CELSR3: variants seen among roughly 807,000 people sequenced by gnomAD.
The protein encoded by CELSR3 is EGF-like protein 1.
In CELSR3, 73 loss-of-function variants were observed where a neutral mutation model predicts 270.0. The ratio of observed to expected loss-of-function variants is 0.27; its 90% confidence interval spans 0.22 to 0.33. The LOEUF is 0.33. Among genes scored for constraint, CELSR3 ranks in the 10% least tolerant of loss-of-function variants. The pLI, the probability that CELSR3 is intolerant of heterozygous loss-of-function variation, is 1.00. For synonymous variants in CELSR3, 1,780 were observed against 1,905.4 expected (o/e 0.93, Z 1.71); for missense variants, 3,614 against 4,533.8 (o/e 0.80, Z 5.83).
At position 48,644,921 on chromosome 3, in the gene CELSR3, C is replaced by T. The variant is rs1041828249; in HGVS notation, c.7973-93G>A. The T allele has an allele frequency of 1.3e-6, 2 of 1,511,876 alleles. No homozygotes were observed. The highest frequency in any genetic ancestry group is 2.7e-5 in the African/African-American group (2 of 72,914). The allele number at this position is 1,511,876 out of a possible 1,614,324, so 93.7% of individuals were successfully genotyped here. A position where few individuals can be genotyped will look rare whatever the true frequency, so the allele number is the denominator to read the frequency against. On this transcript the variant is annotated intron_variant, in intron 25 of 34. Coordinates refer to ENST00000164024, the MANE Select transcript of CELSR3 (RefSeq NM_001407.3). This position sits in a 1 kb window ranked among gnomAD's most constrained non-coding sequence, Gnocchi z 4.8. ...GAAAGCATGGGTGAGGGCAGAGCAG[C>T]AACCCCATGAATAGATGGCTTGGGG...
rs755796273 is a variant in CELSR3, at chr3:48,645,220, G to A, written c.7798-11C>T. 8 of 1,563,854 alleles carry A rather than the reference G, an allele frequency of 5.1e-6. No individual in the cohort carries two copies. The highest frequency in any genetic ancestry group is 3.5e-5 in the Admixed American group (2 of 57,148). ...TGCAGTGCACACCAGCTGAGGGCAG[G>A]GGGGCGTGTCAGGACCTCTCCTGCC... On this transcript the variant is annotated splice_polypyrimidine_tract_variant and intron_variant, in intron 24 of 34. Coordinates refer to ENST00000164024, the MANE Select transcript of CELSR3 (RefSeq NM_001407.3). The surrounding 1 kb of genome is among the most constrained non-coding windows in gnomAD (Gnocchi z 5.4).
In CELSR3 at chr3:48,650,394, C is replaced by T. The variant is rs1250815180; in HGVS notation, c.6472+86G>A. On this transcript the variant is annotated intron_variant, in intron 16 of 34. Coordinates refer to ENST00000164024, the MANE Select transcript of CELSR3 (RefSeq NM_001407.3). This position sits in a 1 kb window ranked among gnomAD's most constrained non-coding sequence, Gnocchi z 5.1. ...CACCTCTTTGCAGGAACAAAGCCAC[C>T]CAATTTAGGAAAAGACATGGCTCTA... The T allele has an allele frequency of 1.8e-6, 2 of 1,113,504 alleles. No homozygotes were observed. Among genetic ancestry groups the T allele is most frequent in the African/African-American group, 3.1e-5 (2 of 64,222 alleles). 69.0% of individuals were successfully genotyped at this position (1,113,504 alleles called of 1,614,324 possible).
Position 48,642,629 on chromosome 3 carries a change from G to T in CELSR3, c.8555+107C>A. On this transcript the variant is annotated intron_variant, in intron 30 of 34. Coordinates refer to ENST00000164024, the MANE Select transcript of CELSR3 (RefSeq NM_001407.3). This position sits in a 1 kb window ranked among gnomAD's most constrained non-coding sequence, Gnocchi z 6.1. Reference sequence around the variant, plus strand: ...AGAGGCAGAAGCAGGGCCCCAGATGGCCAAGATGGGTGGAGCCACCCGCCC... The same window carrying T: ...AGAGGCAGAAGCAGGGCCCCAGATGTCCAAGATGGGTGGAGCCACCCGCCC... The T allele has an allele frequency of 2.0e-6, 3 of 1,496,938 alleles. No homozygotes were observed. Among genetic ancestry groups the T allele is most frequent in the Non-Finnish European group, 1.8e-6 (2 of 1,114,736 alleles). The allele number at this position is 1,496,938 out of a possible 1,614,324, so 92.7% of individuals were successfully genotyped here.
At chr3:48,649,277 G>A (rs968541289) in intron 16 of CELSR3, 62 bp from the exon 17 acceptor site, 11 of 1,264,532 alleles carry the variant, frequency 8.7e-6, no homozygotes, top group African/African-American at 4.4e-5. Flanking sequence ...GGAGATAACC[G>A]CAGCACCCTC....
Position 48,641,717 on chromosome 3 carries a change from A to G in CELSR3, c.8824+134T>C, listed in dbSNP as rs1489151597. ...CCTTAACTGGAGGTGGACAGAGACTAAAAGTTGGGGAACCTGATGACTGAG... is the reference window on the plus strand; with the variant it reads ...CCTTAACTGGAGGTGGACAGAGACTGAAAGTTGGGGAACCTGATGACTGAG... On this transcript the variant is annotated intron_variant, in intron 32 of 34. Transcript: ENST00000164024. The surrounding 1 kb of genome is among the most constrained non-coding windows in gnomAD (Gnocchi z 4.8). 2 of 1,008,244 alleles carry G rather than the reference A, an allele frequency of 2.0e-6. No individual in the cohort carries two copies. The highest frequency in any genetic ancestry group is 2.8e-6 in the Non-Finnish European group (2 of 710,084). The allele number at this position is 1,008,244 out of a possible 1,614,324, so 62.5% of individuals were successfully genotyped here.
At position 48,662,451 on chromosome 3, in the gene CELSR3, C is replaced by G. The variant is rs1384975995; in HGVS notation, c.184G>C (p.Ala62Pro). Residue 62 changes from alanine to proline, a missense_variant, in exon 1 of 35, where the codon GCT becomes CCT. Physicochemically the swap from Ala to Pro is conservative, Grantham distance 27. Transcript: ENST00000164024. The surrounding 1 kb of genome is among the most constrained non-coding windows in gnomAD (Gnocchi z 7.1). Reference protein sequence around the residue: ...PRAHIGGGALALCPESSGVRE... With the variant: ...PRAHIGGGALPLCPESSGVRE... ...ACCCCGGAAGACTCCGGACAAAGAG[C>G]TAAGGCTCCGCCACCGATATGCGCC... 1 of 1,612,800 alleles carries G rather than the reference C, an allele frequency of 6.2e-7. No homozygotes were observed. Among genetic ancestry groups the G allele is most frequent in the East Asian group, 2.2e-5 (1 of 44,878 alleles).
In CELSR3 at chr3:48,641,580, C is replaced by A; in HGVS notation, c.8825-56G>T. The A allele has an allele frequency of 7.6e-7, 1 of 1,321,016 alleles. No homozygotes were observed. Among genetic ancestry groups the A allele is most frequent in the South Asian group, 1.2e-5 (1 of 82,270 alleles). The allele number at this position is 1,321,016 out of a possible 1,614,324, so 81.8% of individuals were successfully genotyped here. A position where few individuals can be genotyped will look rare whatever the true frequency, so the allele number is the denominator to read the frequency against. ...CTGGGTTGATCCCAGTGACTCATGACCCCTGACCCTAATGACCCTTGAAAC... is the reference window on the plus strand; with the variant it reads ...CTGGGTTGATCCCAGTGACTCATGAACCCTGACCCTAATGACCCTTGAAAC... On this transcript the variant is annotated intron_variant, in intron 32 of 34. Transcript: ENST00000164024. This position sits in a 1 kb window ranked among gnomAD's most constrained non-coding sequence, Gnocchi z 4.8.
Position 48,642,541 on chromosome 3 carries a change from G to T in CELSR3, c.8556-74C>A. 2 of 1,503,208 alleles carry T rather than the reference G, an allele frequency of 1.3e-6. No individual in the cohort carries two copies. Among genetic ancestry groups the T allele is most frequent in the Non-Finnish European group, 1.8e-6 (2 of 1,103,928 alleles). 93.1% of individuals were successfully genotyped at this position (1,503,208 alleles called of 1,614,324 possible). On this transcript the variant is annotated intron_variant, in intron 30 of 34. Coordinates refer to ENST00000164024, the MANE Select transcript of CELSR3 (RefSeq NM_001407.3). The surrounding 1 kb of genome is among the most constrained non-coding windows in gnomAD (Gnocchi z 6.1). ...GCCTTGGAGGCTGGAGTGTCTTTGA[G>T]TGCACAGCCAGCTGCGGGTGGAATG...
rs1428674952 is a variant in CELSR3 at position 48,661,474 on chromosome 3, C to T, written c.1161G>A (p.Thr387=). The T allele has an allele frequency of 6.8e-6, 11 of 1,606,976 alleles. No homozygotes were observed. Among genetic ancestry groups the T allele is most frequent in the Admixed American group, 1.7e-5 (1 of 59,364 alleles). The change falls in exon 1 of 35, where the codon ACG becomes ACA. Residue 387 remains threonine, a synonymous_variant. Coordinates refer to ENST00000164024, the MANE Select transcript of CELSR3 (RefSeq NM_001407.3). ...SIDPQSGLIR[T]AAALDRESME... ...TGCTCTCGCGGTCCAGAGCTGCCGCCGTACGGATAAGGCCGCTCTGCGGGT... is the reference window on the plus strand; with the variant it reads ...TGCTCTCGCGGTCCAGAGCTGCCGCTGTACGGATAAGGCCGCTCTGCGGGT...
Position 48,646,903 on chromosome 3 carries a change from T to A in CELSR3, c.7155A>T (p.Glu2385Asp). 1.9e-6 allele frequency: 3 copies of A among 1,559,142 alleles called. No individual in the cohort carries two copies. Among genetic ancestry groups the A allele is most frequent in the Non-Finnish European group, 2.6e-6 (3 of 1,158,170 alleles). The change falls in exon 21 of 35, where the codon GAA becomes GAT. Residue 2385 changes from glutamate to aspartate, a missense_variant. This residue lies in a region of CELSR3 where 1,240 missense variants were observed against 1,351.7 expected (regional missense o/e 0.92). Transcript: ENST00000164024. This position sits in a 1 kb window ranked among gnomAD's most constrained non-coding sequence, Gnocchi z 4.8. ...GGACCACACTTGAGGTGGTGGAGTT[T>A]TCTATGCTGCTGCTTGTGGGCAGAA... ...SEVLPTSSSI[E>D]NSTTSSVVPP... is the part of the protein sequence containing the mutation.
chr3:48,662,339 C>A lies in CELSR3; in HGVS notation c.296G>T (p.Arg99Leu). ...CTCATTCGGCTGCTCAGGGGGCCCT[C>A]GACTATTCCGGGCGCTTTGCCTTCT... ...RGRRQSARNS[R>L]GPPEQPNEEL... The change falls in exon 1 of 35, where the codon CGA becomes CTA. Residue 99 changes from arginine (R) to leucine (L), a missense_variant. Arg to Leu is a moderately radical substitution (Grantham distance 102). Transcript: ENST00000164024. The surrounding 1 kb of genome is among the most constrained non-coding windows in gnomAD (Gnocchi z 7.1). 6.2e-7 allele frequency: 1 copy of A among 1,613,042 alleles called. No individual in the cohort carries two copies. Among genetic ancestry groups the A allele is most frequent in the Non-Finnish European group, 8.5e-7 (1 of 1,180,008 alleles).
Position 48,644,603 on chromosome 3 carries a change from G to T in CELSR3, c.8085+113C>A. 2.4e-6 allele frequency: 2 copies of T among 830,878 alleles called. No individual in the cohort carries two copies. The highest frequency in any genetic ancestry group is 1.9e-6 in the Non-Finnish European group (1 of 515,622). 51.5% of individuals were successfully genotyped at this position (830,878 alleles called of 1,614,324 possible). On this transcript the variant is annotated intron_variant, in intron 26 of 34. Coordinates refer to ENST00000164024, the MANE Select transcript of CELSR3 (RefSeq NM_001407.3). This position sits in a 1 kb window ranked among gnomAD's most constrained non-coding sequence, Gnocchi z 4.8. ...CCAGAGGACAGAAAAAATGAAGGCC[G>T]AGCCCAGGAAGCCTGCAGAATGCCA...
In CELSR3 at chr3:48,653,035, G is replaced by T; in HGVS notation, c.5601C>A (p.Val1867=). Residue 1867 remains valine, a synonymous_variant, in exon 10 of 35, where the codon GTC becomes GTA. Transcript: ENST00000164024. The surrounding 1 kb of genome is among the most constrained non-coding windows in gnomAD (Gnocchi z 6.5). ...EEPGGRRGHH[V]LMVSLDFSLF... ...GGCTAAAGTCCAGTGAGACCATAAG[G>T]ACATGGTGGCCCCGCCGGCCACCTG... 6.2e-7 allele frequency: 1 copy of T among 1,613,198 alleles called. No homozygotes were observed. The highest frequency in any genetic ancestry group is 2.2e-5 in the East Asian group (1 of 44,876).
Position 48,651,485 on chromosome 3 carries a change from G to A in CELSR3, c.6066-6C>T, listed in dbSNP as rs2047136607. 3 of 1,613,526 alleles carry A rather than the reference G, an allele frequency of 1.9e-6. No homozygotes were observed. The highest frequency in any genetic ancestry group is 2.5e-6 in the Non-Finnish European group (3 of 1,179,856). On this transcript the variant is annotated splice_region_variant and splice_polypyrimidine_tract_variant and intron_variant, in intron 13 of 34. Transcript: ENST00000164024. The surrounding 1 kb of genome is among the most constrained non-coding windows in gnomAD (Gnocchi z 7.4). ...GTGGGCACTGCTGGTCCATCCTGGG[G>A]GTGCAGAGCCAGGTAAGATGCCTCC...
chr3:48,648,086 G>A (rs1575541591), intron 19 of CELSR3, 90 bp from the exon 20 acceptor site: 2 of 1,521,226 alleles, frequency 1.3e-6, no homozygotes, highest in Non-Finnish European at 1.8e-6. Context: ...CCGCACCTGA[G>A]TCCCACAATC....
Position 48,646,198 on chromosome 3 carries a change from C to A in CELSR3, c.7355G>T (p.Arg2452Leu). The A allele has an allele frequency of 6.2e-7, 1 of 1,612,768 alleles. No individual in the cohort carries two copies. The highest frequency in any genetic ancestry group is 8.5e-7 in the Non-Finnish European group (1 of 1,179,924). Residue 2452 changes from arginine (R) to leucine (L), a missense_variant, in exon 22 of 35, where the codon CGC (arginine) becomes CTC (leucine). Transcript: ENST00000164024. This position sits in a 1 kb window ranked among gnomAD's most constrained non-coding sequence, Gnocchi z 4.8. ...PVVSVAVFHG[R>L]NFLRGILESP... ...CTCCAGGATTCCCCTTAGGAAGTTG[C>A]GTCCGTGGAACACAGCCACGCTGAC...
In CELSR3 at chr3:48,648,245, CCTACCCCA is replaced by C; in HGVS notation, c.6973+13_6973+20del. On this transcript the variant is annotated intron_variant, in intron 19 of 34. Transcript: ENST00000164024. ...TCATGGCCCCCCTGCTGTGCCCCGC[CCTACCCCA>C]CCCACAACGCACTGATATTAGGCGT... is the stretch of plus-strand genomic sequence containing the variant. 1 of 1,404,198 alleles carries C rather than the reference CCTACCCCA, an allele frequency of 7.1e-7. No homozygotes were observed. The highest frequency in any genetic ancestry group is 1.0e-6 in the Non-Finnish European group (1 of 996,084). The allele number at this position is 1,404,198 out of a possible 1,614,324, so 87.0% of individuals were successfully genotyped here.
rs970199884 is a variant in CELSR3 at position 48,650,754 on chromosome 3, G to A, written c.6370+138C>T. On this transcript the variant is annotated intron_variant, in intron 15 of 34. Transcript: ENST00000164024. This position sits in a 1 kb window ranked among gnomAD's most constrained non-coding sequence, Gnocchi z 5.1. ...GGTCAGCAAAGTACTTGGGGCAAAG[G>A]TAGGGTTCCCTGGGTGTAAGTGGTC... 52 of 1,103,632 alleles carry A rather than the reference G, an allele frequency of 4.7e-5. No individual in the cohort carries two copies. The highest frequency in any genetic ancestry group is 6.3e-5 in the Non-Finnish European group (49 of 778,438). The allele number at this position is 1,103,632 out of a possible 1,614,324, so 68.4% of individuals were successfully genotyped here.
In CELSR3 at chr3:48,644,142, C is replaced by G. The variant is rs1020992309; in HGVS notation, c.8165+74G>C. On this transcript the variant is annotated intron_variant, in intron 27 of 34. Coordinates refer to ENST00000164024, the MANE Select transcript of CELSR3 (RefSeq NM_001407.3). This position sits in a 1 kb window ranked among gnomAD's most constrained non-coding sequence, Gnocchi z 4.8. ...GAGCCCAACCTGCACCAGGGAAGAT[C>G]TGGGGGCCCCAGACCCCACCCAGGA... 1.9e-5 allele frequency: 25 copies of G among 1,316,932 alleles called. No individual in the cohort carries two copies. The African/African-American group carries it at 2.1e-4, about 11-fold the overall frequency. 81.6% of individuals were successfully genotyped at this position (1,316,932 alleles called of 1,614,324 possible). A position where few individuals can be genotyped will look rare whatever the true frequency, so the allele number is the denominator to read the frequency against.
Sources: allele counts gnomAD v4.1 joint callset, GRCh38; gene constraint gnomAD v4.1.1; regional missense constraint gnomAD v4.1.1; non-coding constraint Gnocchi (gnomAD v3.1); transcripts MANE v1.5; gene names NCBI Gene and HGNC (gene_info 2026-07-23, HGNC 2026-07-21).